RPAP2: variants seen among roughly 807,000 people sequenced by gnomAD.
RPAP2 encodes the protein RNA polymerase II associated protein 2.
RPAP2 carries 52 observed loss-of-function variants against 73.1 expected under a neutral mutation model. The ratio of observed to expected loss-of-function variants is 0.71; its 90% confidence interval spans 0.57 to 0.90. The LOEUF is 0.90. Ranked by LOEUF, RPAP2 falls within the 40% of genes least tolerant of loss-of-function variation. The pLI is 0.00. For synonymous variants in RPAP2, 225 were observed against 242.1 expected, an observed-to-expected ratio of 0.93 and a Z score of 0.65; for missense variants, 598 against 701.8, an observed-to-expected ratio of 0.85 and a Z score of 1.67.
intron 11 of RPAP2, among the ~76,000 whole-genome samples, chr1:92,366,503 G>A (rs767111548): frequency 3.3e-5 from 5 of 152,146 alleles, no homozygotes; most frequent in African/African-American, 4.8e-5. Context: ...TGACAGGTTC[G>A]TTCTCTATGC....
chr1:92,355,760 G>A (rs1420593619), intron 11 of RPAP2, among the ~76,000 whole-genome samples: 2 of 152,166 alleles, frequency 1.3e-5, no homozygotes, highest in Admixed American at 6.5e-5. Context: ...GATGCTCAAA[G>A]GAAATACTCA....
At chr1:92,304,482 G>A in intron 5 of RPAP2, 133 bp downstream of exon 5, 1 of 496,880 alleles carries the variant, frequency 2.0e-6, no homozygotes, top group Non-Finnish European at 3.4e-6. Flanking sequence ...TTACTGGTTA[G>A]AAAATAGTGA....
chr1:92,355,175 AT>A lies in RPAP2; in HGVS notation c.1688+9269del, dbSNP rs924040551. Among the ~76,000 whole-genome samples, 544 of 151,710 alleles carry A rather than the reference AT, an allele frequency of 3.6e-3. 8 individuals carry two copies. The highest frequency in any genetic ancestry group is 2.4e-3 in the African/African-American group (100 of 41,384). On this transcript the variant is annotated intron_variant, in intron 11 of 12. Coordinates refer to ENST00000610020, the MANE Select transcript of RPAP2 (RefSeq NM_024813.3). ...CTTATGTCATTAATTTTTATTTAAC[AT>A]TTTTTTTAATATAATTATTCTACCC...
chr1:92,335,165 A>T (rs1460540000), intron 9 of RPAP2, among the ~76,000 whole-genome samples: 2 of 151,878 alleles, frequency 1.3e-5, no homozygotes, highest in African/African-American at 4.8e-5. Flanking sequence ...ACACTGTATG[A>T]GGGTTCCCTT....
intron 10 of RPAP2, among the ~76,000 whole-genome samples, chr1:92,344,335 G>T (rs1020418327): frequency 6.6e-6 from 1 of 152,120 alleles, no homozygotes; most frequent in Admixed American, 6.5e-5. Flanking sequence ...AACTCGGGAG[G>T]TGGAGGTTGC....
intron 12 of RPAP2, among the ~76,000 whole-genome samples, chr1:92,383,251 G>A (rs1655724516): frequency 6.6e-6 from 1 of 152,174 alleles, no homozygotes; most frequent in Admixed American, 6.5e-5. Flanking sequence ...TGGCAATGCA[G>A]GCTCTTTTTT....
intron 11 of RPAP2, among the ~76,000 whole-genome samples, chr1:92,356,992 G>C (rs1320543523): frequency 1.3e-5 from 2 of 151,884 alleles, no homozygotes; most frequent in African/African-American, 4.8e-5. Flanking sequence ...CTTGAACTCA[G>C]GAAGCAGAGG....
Position 92,300,252 on chromosome 1 carries a change from C to T in RPAP2, c.119+13C>T. The T allele has an allele frequency of 6.3e-7, 1 of 1,595,332 alleles. No individual in the cohort carries two copies. The highest frequency in any genetic ancestry group is 8.6e-7 in the Non-Finnish European group (1 of 1,163,742). On this transcript the variant is annotated intron_variant, in intron 2 of 12. Coordinates refer to ENST00000610020, the MANE Select transcript of RPAP2 (RefSeq NM_024813.3). ...ATGCTTCTAAAAGGTATGACAGCTA[C>T]ATGGACAACTACATTGGCATATCTA...
At chr1:92,304,239 TTTA>T in intron 4 of RPAP2, 42 bp from the exon 5 acceptor site, 1 of 1,304,436 alleles carries the variant, frequency 7.7e-7, no homozygotes, top group South Asian at 1.2e-5. Context: ...AACGTTCATG[TTTA>T]TTATTTGGAT....
At chr1:92,325,548 T>C (rs895560818) in intron 8 of RPAP2, among the ~76,000 whole-genome samples, 23 of 152,158 alleles carry the variant, frequency 1.5e-4, no homozygotes, top group African/African-American at 5.3e-4. Context: ...AATTTGACTT[T>C]TAAAAATTTA....
intron 12 of RPAP2, among the ~76,000 whole-genome samples, chr1:92,383,592 T>C (rs1655742732): frequency 6.6e-6 from 1 of 152,238 alleles, no homozygotes. Flanking sequence ...ATAAGAATGC[T>C]TGTGATTTTT....
intron 1 of RPAP2, among the ~76,000 whole-genome samples, chr1:92,299,991 G>T (rs1650694072): frequency 6.6e-6 from 1 of 152,158 alleles, no homozygotes. Context: ...TACACACTAG[G>T]CTATATGGTA....
intron 8 of RPAP2, among the ~76,000 whole-genome samples, chr1:92,325,657 T>A (rs1247054016): frequency 6.6e-6 from 1 of 152,190 alleles, no homozygotes; most frequent in African/African-American, 2.4e-5. Context: ...CACATATGAA[T>A]GTCCTGATGT....
rs536383795 is a variant in RPAP2, at chr1:92,331,080, GGATT to G, written c.1456-2306_1456-2303del. On this transcript the variant is annotated intron_variant, in intron 8 of 12. Transcript: ENST00000610020. ...GTTAAAAATCTCTCACCTTAATTGT[GGATT>G]GATTATTTCTACTTTTATTTCTGCA... 1.8e-4 allele frequency among the ~76,000 whole-genome samples: 28 copies of G among 152,118 alleles called. No homozygotes were observed. In the East Asian group the frequency reaches 4.8e-3, roughly 26 times the overall value.
At chr1:92,299,876 G>C (rs1650681453) in intron 1 of RPAP2, among the ~76,000 whole-genome samples, 1 of 152,130 alleles carries the variant, frequency 6.6e-6, no homozygotes, top group African/African-American at 2.4e-5. Context: ...ACCATGTGTA[G>C]CTTAACTGCG....
chr1:92,373,642 T>C (rs1655245648), intron 11 of RPAP2, among the ~76,000 whole-genome samples: 1 of 146,452 alleles, frequency 6.8e-6, no homozygotes, highest in African/African-American at 2.5e-5. Flanking sequence ...ACACCTGTAA[T>C]CCTAGCACTT....
intron 8 of RPAP2, among the ~76,000 whole-genome samples, chr1:92,327,270 A>T (rs776391322): frequency 8.5e-5 from 13 of 152,088 alleles, no homozygotes; most frequent in African/African-American, 1.2e-4. Flanking sequence ...GAAGTCCCCC[A>T]CTATTATTGT....
chr1:92,331,841 C>T (rs1652989525), intron 8 of RPAP2, among the ~76,000 whole-genome samples: 1 of 151,480 alleles, frequency 6.6e-6, no homozygotes, highest in Non-Finnish European at 1.5e-5. Context: ...AGAATTTTCT[C>T]AGTTTTTCTT....
rs1656145977 is a variant in RPAP2, at chr1:92,394,857, G to A, written c.*7846G>A. ...CTTAAAATCTGTATGAAAACATAAA[G>A]GATTCAGAATAGCCAAAATAATTCT... On this transcript the variant is annotated 3_prime_UTR_variant, in exon 13 of 13. Transcript: ENST00000610020. The A allele has an allele frequency of 6.6e-6, 1 of 152,046 alleles. No homozygotes were observed. 9.4% of individuals were successfully genotyped at this position (152,046 alleles called of 1,614,324 possible).
Sources: allele counts gnomAD v4.1 joint callset (sites outside exome capture counted in the v4.1 genomes callset), GRCh38; gene constraint gnomAD v4.1.1; transcripts MANE v1.5; gene names NCBI Gene and HGNC (gene_info 2026-07-23, HGNC 2026-07-21).